DNAJC25: variants seen among roughly 807,000 people sequenced by gnomAD.
The protein encoded by DNAJC25 is DnaJ heat shock protein family (Hsp40) member C25.
DNAJC25 carries 26 observed loss-of-function variants against 42.1 expected under a neutral mutation model. That is an observed-to-expected ratio of 0.62 (90% CI 0.45 to 0.86). The LOEUF (loss-of-function observed/expected upper bound fraction) is 0.86. Ranked by LOEUF, DNAJC25 falls within the 40% of genes least tolerant of loss-of-function variation. The pLI is 0.00. For synonymous variants in DNAJC25, 189 were observed against 179.9 expected (o/e 1.05, Z -0.40); for missense variants, 404 against 459.4 (o/e 0.88, Z 1.10).
chr9:111,631,769 T>G, intron 1 of DNAJC25, 26 bp downstream of exon 1: 2 of 1,489,178 alleles, frequency 1.3e-6, no homozygotes, highest in Non-Finnish European at 8.9e-7. Context: ...GTGGAGGGGC[T>G]TCGAAGACTG....
intron 2 of DNAJC25, among the ~76,000 whole-genome samples, chr9:111,648,550 A>G (rs1393228770): frequency 1.3e-5 from 2 of 152,114 alleles, no homozygotes; most frequent in Non-Finnish European, 2.9e-5. Flanking sequence ...GATTACAGGC[A>G]TGAGCCCCTG....
chr9:111,653,480 A>C lies in DNAJC25; in HGVS notation c.*258A>C, dbSNP rs1185154163. On this transcript the variant is annotated 3_prime_UTR_variant, in exon 4 of 4. Transcript: ENST00000313525. ...ATGAAGATTTATTAGTTGCCATTTA[A>C]AATTTTTATATGTTTAGTTAAAAGA... The C allele has an allele frequency of 3.5e-6, 1 of 283,252 alleles. No homozygotes were observed. Among genetic ancestry groups the C allele is most frequent in the African/African-American group, 2.2e-5 (1 of 45,490 alleles). The allele number at this position is 283,252 out of a possible 1,614,324, so 17.5% of individuals were successfully genotyped here.
chr9:111,631,463 G>A lies in DNAJC25; in HGVS notation c.56G>A (p.Trp19Ter). 2 of 1,314,968 alleles carry A rather than the reference G, an allele frequency of 1.5e-6. No individual in the cohort carries two copies. The highest frequency in any genetic ancestry group is 2.2e-5 in the South Asian group (1 of 44,656). 81.5% of individuals were successfully genotyped at this position (1,314,968 alleles called of 1,614,324 possible). ...GWGAGAAGRR[W>*]WMLLAPLLPA... is the part of the protein sequence containing the mutation. ...GGAGCCGGGGCTGCCGGCCGGCGCT[G>A]GTGGATGCTGCTGGCGCCCCTGCTG... The change falls in exon 1 of 4, where the codon TGG becomes TAG. Residue 19 changes from tryptophan to a stop codon, truncating the protein, a stop_gained. Coordinates refer to ENST00000313525, the MANE Select transcript of DNAJC25 (RefSeq NM_001015882.3). LOFTEE classifies it high-confidence loss of function.
intron 1 of DNAJC25, among the ~76,000 whole-genome samples, chr9:111,640,044 C>G (rs1830426642): frequency 6.6e-6 from 1 of 151,810 alleles, no homozygotes; most frequent in African/African-American, 2.4e-5. Context: ...CTGCCTGATT[C>G]TCCTGCCTCA....
At chr9:111,639,904 C>G (rs148000006) in intron 1 of DNAJC25, among the ~76,000 whole-genome samples, 4,913 of 72,104 alleles carry the variant, frequency 0.068, 310 homozygotes, top group African/African-American at 0.18. Context: ...GGAGCTCTCC[C>G]TCTCCCTCTC....
intron 1 of DNAJC25, among the ~76,000 whole-genome samples, chr9:111,633,892 G>C (rs1259693350): frequency 6.6e-6 from 1 of 152,178 alleles, no homozygotes; most frequent in Non-Finnish European, 1.5e-5. Flanking sequence ...TCAAGATCAA[G>C]GAACGTTTAG....
chr9:111,631,515 G>A lies in DNAJC25; in HGVS notation c.108G>A (p.Ala36=), dbSNP rs1269780428. 2 of 1,331,624 alleles carry A rather than the reference G, an allele frequency of 1.5e-6. No homozygotes were observed. Among genetic ancestry groups the A allele is most frequent in the African/African-American group, 1.5e-5 (1 of 64,908 alleles). 82.5% of individuals were successfully genotyped at this position (1,331,624 alleles called of 1,614,324 possible). Residue 36 remains alanine (A), a synonymous_variant, in exon 1 of 4, where the codon GCG becomes GCA. Coordinates refer to ENST00000313525, the MANE Select transcript of DNAJC25 (RefSeq NM_001015882.3). ...LLPALLLVRP[A]GALVEGLYCG... ...CGGCGCTGCTGCTGGTGCGGCCCGC[G>A]GGGGCCCTGGTGGAGGGGCTCTACT...
chr9:111,632,239 A>G (rs548384873), intron 1 of DNAJC25, among the ~76,000 whole-genome samples: 1 of 152,346 alleles, frequency 6.6e-6, no homozygotes, highest in South Asian at 2.1e-4. Flanking sequence ...ACACCAGTCA[A>G]AAGGCTGGAT....
At chr9:111,633,928 G>A (rs141120820) in intron 1 of DNAJC25, among the ~76,000 whole-genome samples, 111 of 152,324 alleles carry the variant, frequency 7.3e-4, no homozygotes, top group African/African-American at 2.1e-3. Flanking sequence ...TATGTCTGGA[G>A]TAGGTAACAC....
chr9:111,640,651 G>A (rs1196760360), intron 1 of DNAJC25, among the ~76,000 whole-genome samples: 16 of 50,842 alleles, frequency 3.1e-4, no homozygotes, highest in East Asian at 9.4e-4. Flanking sequence ...GTCTCTGCCC[G>A]GCCGCCCCGT....
chr9:111,640,956 G>A (rs1195222154), intron 1 of DNAJC25, among the ~76,000 whole-genome samples: 5 of 103,470 alleles, frequency 4.8e-5, no homozygotes, highest in African/African-American at 2.7e-4. Context: ...GAGGTGGGGG[G>A]GTCAGCCCCC....
chr9:111,643,168 A>G (rs1830509367), intron 1 of DNAJC25: 2 of 225,084 alleles, frequency 8.9e-6, no homozygotes, highest in Non-Finnish European at 9.2e-6. Flanking sequence ...TATGAATTCA[A>G]GCAGTCACTT....
chr9:111,631,504 G>C lies in DNAJC25; in HGVS notation c.97G>C (p.Val33Leu), dbSNP rs10980984. Residue 33 changes from valine to leucine, a missense_variant, in exon 1 of 4, where the codon GTG (valine) becomes CTG (leucine). Physicochemically the swap from Val to Leu is conservative, Grantham distance 32. Coordinates refer to ENST00000313525, the MANE Select transcript of DNAJC25 (RefSeq NM_001015882.3). The stretch of plus-strand genomic sequence containing the variant: ...GCCCCTGCTGCCGGCGCTGCTGCTG[G>C]TGCGGCCCGCGGGGGCCCTGGTGGA... ...LAPLLPALLLVRPAGALVEGL... is the reference protein window; with the variant it reads ...LAPLLPALLLLRPAGALVEGL... 1 of 1,331,340 alleles carries C rather than the reference G, an allele frequency of 7.5e-7. No homozygotes were observed. Among genetic ancestry groups the C allele is most frequent in the Non-Finnish European group, 9.5e-7 (1 of 1,047,570 alleles). The allele number at this position is 1,331,340 out of a possible 1,614,324, so 82.5% of individuals were successfully genotyped here.
At chr9:111,642,309 C>T (rs1455304421) in intron 1 of DNAJC25, among the ~76,000 whole-genome samples, 2 of 100,918 alleles carry the variant, frequency 2.0e-5, no homozygotes, top group African/African-American at 7.7e-5. Flanking sequence ...TGTGACCTTA[C>T]CCCCAACCCT....
In DNAJC25 at chr9:111,647,024, AT is replaced by A; in HGVS notation, c.337-81del. 2.2e-6 allele frequency: 3 copies of A among 1,383,156 alleles called. No individual in the cohort carries two copies. The South Asian group carries it at 5.8e-5, about 27-fold the overall frequency. The allele number at this position is 1,383,156 out of a possible 1,614,324, so 85.7% of individuals were successfully genotyped here. A position where few individuals can be genotyped will look rare whatever the true frequency, so the allele number is the denominator to read the frequency against. ...CAGATTAACCTTACATAATTATAAAATTCTATATGTGATTTAACAGATTATA... is the reference window on the plus strand; with the variant it reads ...CAGATTAACCTTACATAATTATAAAATCTATATGTGATTTAACAGATTATA... On this transcript the variant is annotated intron_variant, in intron 1 of 3. Coordinates refer to ENST00000313525, the MANE Select transcript of DNAJC25 (RefSeq NM_001015882.3).
rs1830472011 is a variant in DNAJC25, at chr9:111,641,688, G to A, written c.337-5419G>A. On this transcript the variant is annotated intron_variant, in intron 1 of 3. Coordinates refer to ENST00000313525, the MANE Select transcript of DNAJC25 (RefSeq NM_001015882.3). ...CGGGAGGGAGGTGGGGGGGGGGTCA[G>A]CCCCCCTGCCCGGCCAGCCACCCCG... 4.2e-4 allele frequency among the ~76,000 whole-genome samples: 51 copies of A among 120,044 alleles called. No individual in the cohort carries two copies. The South Asian group carries it at 0.013, about 32-fold the overall frequency. The allele number at this position is 120,044 out of a possible 152,430, so 78.8% of individuals were successfully genotyped here.
intron 1 of DNAJC25, among the ~76,000 whole-genome samples, chr9:111,646,454 A>G (rs1830569306): frequency 6.6e-6 from 1 of 152,234 alleles, no homozygotes; most frequent in Non-Finnish European, 1.5e-5. Context: ...TATTATAGTG[A>G]TGAAGTACTA....
chr9:111,644,538 A>G lies in DNAJC25; in HGVS notation c.337-2569A>G, dbSNP rs117856075. Among the ~76,000 whole-genome samples the G allele has an allele frequency of 2.0e-5, 3 of 152,350 alleles. No individual in the cohort carries two copies. The East Asian group carries it at 5.8e-4, about 29-fold the overall frequency. On this transcript the variant is annotated intron_variant, in intron 1 of 3. Transcript: ENST00000313525. ...TGGACACATGATGTCCGCTTACCAG[A>G]TTTCAACGACACTCCAAGACCTTAC...
At position 111,631,488 on chromosome 9, in the gene DNAJC25, G is replaced by T. The variant is rs1473517194; in HGVS notation, c.81G>T (p.Leu27=). ...RRWWMLLAPL[L]PALLLVRPAG... ...GGTGGATGCTGCTGGCGCCCCTGCTGCCGGCGCTGCTGCTGGTGCGGCCCG... is the reference window on the plus strand; with the variant it reads ...GGTGGATGCTGCTGGCGCCCCTGCTTCCGGCGCTGCTGCTGGTGCGGCCCG... The change falls in exon 1 of 4, where the codon CTG becomes CTT. Residue 27 remains leucine (L), a synonymous_variant. Transcript: ENST00000313525. The T allele has an allele frequency of 2.3e-6, 3 of 1,324,134 alleles. No individual in the cohort carries two copies. The highest frequency in any genetic ancestry group is 4.2e-5 in the Admixed American group (1 of 24,062). 82.0% of individuals were successfully genotyped at this position (1,324,134 alleles called of 1,614,324 possible). A position where few individuals can be genotyped will look rare whatever the true frequency, so the allele number is the denominator to read the frequency against.
Sources: allele counts gnomAD v4.1 joint callset (sites outside exome capture counted in the v4.1 genomes callset), GRCh38; gene constraint gnomAD v4.1.1; transcripts MANE v1.5; gene names NCBI Gene and HGNC (gene_info 2026-07-23, HGNC 2026-07-21).